The following COL27A1 variants were observed in gnomAD, a reference collection of about 807,000 sequenced individuals.
The protein encoded by COL27A1 is collagen type XXVII alpha 1 chain.
Under a neutral mutation model 251.3 loss-of-function variants are expected in COL27A1, and 106 were observed. The observed-to-expected ratio is 0.42, with a 90% confidence interval of 0.36 to 0.50. COL27A1 has a LOEUF of 0.50. Ranked by LOEUF, COL27A1 falls within the 20% of genes least tolerant of loss-of-function variation. COL27A1 has a pLI of 0.00. For missense variants in COL27A1, 2,325 were observed against 2,522.8 expected (o/e 0.92, Z 1.68); for synonymous variants, 1,000 against 986.3 (o/e 1.01, Z -0.26).
At chr9:114,253,652 T>C (rs903518505) in intron 27 of COL27A1, among the ~76,000 whole-genome samples, 3 of 152,146 alleles carry the variant, frequency 2.0e-5, no homozygotes, top group Non-Finnish European at 4.4e-5. Flanking sequence ...ACTGTATTCC[T>C]GGGGCAGATC....
Position 114,311,548 on chromosome 9 carries a change from G to GAAAAAAAAAAAAAAAAAACA in COL27A1, c.*870_*871insACAAAAAAAAAAAAAAAAAA. 1 of 96,222 alleles carries GAAAAAAAAAAAAAAAAAACA rather than the reference G, an allele frequency of 1.0e-5. No homozygotes were observed. The highest frequency in any genetic ancestry group is 2.4e-5 in the Non-Finnish European group (1 of 41,944). The allele number at this position is 96,222 out of a possible 1,614,324, so 6.0% of individuals were successfully genotyped here. On this transcript the variant is annotated 3_prime_UTR_variant, in exon 61 of 61. Transcript: ENST00000356083. ...AGGAGGAAAAAAGAAAAGAAAAAAG[G>GAAAAAAAAAAAAAAAAAACA]AAAAAAAAAAAAAAAAAGCAAAACA...
At chr9:114,237,614 A>G (rs557964339) in intron 18 of COL27A1, 48 bp from the exon 19 acceptor site, 1 of 1,495,494 alleles carries the variant, frequency 6.7e-7, no homozygotes, top group East Asian at 2.3e-5. Context: ...GGTTCATGGA[A>G]GGTGGGGTCC....
intron 16 of COL27A1, among the ~76,000 whole-genome samples, chr9:114,233,178 A>G (rs1434313567): frequency 6.6e-6 from 1 of 152,176 alleles, no homozygotes; most frequent in Non-Finnish European, 1.5e-5. Context: ...AGCTGGTGAG[A>G]CTCTGGGAGG....
chr9:114,203,322 A>C (rs1296878634), intron 7 of COL27A1, among the ~76,000 whole-genome samples: 1 of 152,210 alleles, frequency 6.6e-6, no homozygotes, highest in Admixed American at 6.5e-5. Flanking sequence ...AGCGCCCTTG[A>C]ATCCAATGCC....
chr9:114,208,170 G>A (rs1043977298), intron 10 of COL27A1, among the ~76,000 whole-genome samples: 6 of 151,738 alleles, frequency 4.0e-5, no homozygotes, highest in African/African-American at 1.5e-4. Context: ...GGGCGCGGTG[G>A]CTCGTGCCTG....
chr9:114,265,692 TG>T (rs1834692520), intron 32 of COL27A1, among the ~76,000 whole-genome samples: 1 of 151,972 alleles, frequency 6.6e-6, no homozygotes, highest in Non-Finnish European at 1.5e-5. Flanking sequence ...GCCAGGAAAA[TG>T]GGGGTGATTG....
chr9:114,204,331 G>A (rs1829790517), intron 7 of COL27A1, among the ~76,000 whole-genome samples: 1 of 152,192 alleles, frequency 6.6e-6, no homozygotes, highest in South Asian at 2.1e-4. Flanking sequence ...TCTGATGGAA[G>A]CTTGAAGTCT....
Position 114,243,729 on chromosome 9 carries a change from G to A in COL27A1, c.2934+169G>A, listed in dbSNP as rs191395452. On this transcript the variant is annotated intron_variant, in intron 23 of 60. Coordinates refer to ENST00000356083, the MANE Select transcript of COL27A1 (RefSeq NM_032888.4). ...GGAGAAAAAAATGGACACAACCTAA[G>A]TGTCCAACTGTGGGGGATTGTTCAA... 3.2e-4 allele frequency among the ~76,000 whole-genome samples: 49 copies of A among 152,110 alleles called. 1 individual carries two copies. Among genetic ancestry groups the A allele is most frequent in the Middle Eastern group, 6.3e-3 (2 of 316 alleles).
intron 10 of COL27A1, among the ~76,000 whole-genome samples, chr9:114,207,968 A>G (rs1425251387): frequency 6.6e-6 from 1 of 152,152 alleles, no homozygotes; most frequent in Non-Finnish European, 1.5e-5. Context: ...GTGAGCCTCC[A>G]TTGGTTGCTT....
In COL27A1 at chr9:114,298,594, C is replaced by T. The variant is rs1018796442; in HGVS notation, c.4585-1476C>T. Among the ~76,000 whole-genome samples the T allele has an allele frequency of 1.3e-5, 2 of 152,238 alleles. 1 individual carries two copies. The highest frequency in any genetic ancestry group is 3.9e-4 in the East Asian group (2 of 5,182). ...CTGAGACAATCACACAATCACATATCACGTACCAGAGAAGTAATTTGGACC... is the reference window on the plus strand; with the variant it reads ...CTGAGACAATCACACAATCACATATTACGTACCAGAGAAGTAATTTGGACC... On this transcript the variant is annotated intron_variant, in intron 49 of 60. Transcript: ENST00000356083.
upstream of COL27A1, chr9:114,155,473 G>A (rs886812591): frequency 6.6e-6 from 1 of 152,294 alleles, no homozygotes; most frequent in Non-Finnish European, 1.5e-5. This position sits in a 1 kb window ranked among gnomAD's most constrained non-coding sequence, Gnocchi z 5.5. Flanking sequence ...GAGCGGGGAG[G>A]AGGGAAGGTG....
rs551498354 is a variant in COL27A1 at position 114,295,064 on chromosome 9, A to G, written c.4584+2854A>G. 8.5e-5 allele frequency among the ~76,000 whole-genome samples: 13 copies of G among 152,372 alleles called. No homozygotes were observed. The East Asian group carries it at 2.3e-3, about 27-fold the overall frequency. ...ATATGCATAAATGAATTGCATTTCT[A>G]TACACTAATCAATGAGCACAAATGA... On this transcript the variant is annotated intron_variant, in intron 49 of 60. Transcript: ENST00000356083.
intron 19 of COL27A1, among the ~76,000 whole-genome samples, chr9:114,239,213 T>C (rs1832596370): frequency 6.6e-6 from 1 of 152,264 alleles, no homozygotes; most frequent in South Asian, 2.1e-4. Flanking sequence ...CAGTGGGTTA[T>C]ATGCAAGTGA....
chr9:114,307,527 G>C, intron 58 of COL27A1, 142 bp from the exon 59 acceptor site: 1 of 662,468 alleles, frequency 1.5e-6, no homozygotes, highest in East Asian at 2.6e-5. Context: ...TCGGTTGGAG[G>C]AATCCCTTTT....
rs1473765388 is a variant in COL27A1, at chr9:114,311,918, C to T, written c.*1223C>T. ...GCCTGTCCTTGCAAGATGCAATCAT[C>T]GTTCCTGCTTTTTCATTGTCATTAA... On this transcript the variant is annotated 3_prime_UTR_variant, in exon 61 of 61. Transcript: ENST00000356083. The T allele has an allele frequency of 6.6e-6, 1 of 152,228 alleles. No homozygotes were observed. The highest frequency in any genetic ancestry group is 1.5e-5 in the Non-Finnish European group (1 of 68,050). 9.4% of individuals were successfully genotyped at this position (152,228 alleles called of 1,614,324 possible).
chr9:114,240,374 G>A, intron 20 of COL27A1, 60 bp from the exon 21 acceptor site: 2 of 1,595,754 alleles, frequency 1.3e-6, no homozygotes, highest in Non-Finnish European at 1.7e-6. Context: ...TGCCTTGCCA[G>A]CCTGCGATGG....
chr9:114,272,469 T>C (rs1490742), intron 36 of COL27A1: 56,537 of 152,136 alleles, frequency 0.37, 12,048 homozygotes, highest in Admixed American at 0.49. Context: ...CCCTGGTCTT[T>C]ACATGAATCC....
intron 3 of COL27A1, among the ~76,000 whole-genome samples, chr9:114,170,601 A>T (rs1006470131): frequency 6.6e-6 from 1 of 152,222 alleles, no homozygotes; most frequent in African/African-American, 2.4e-5. Context: ...CATTAGGAAT[A>T]ATATTTATCC....
intron 35 of COL27A1, among the ~76,000 whole-genome samples, chr9:114,270,327 G>A (rs1236378722): frequency 2.6e-5 from 4 of 152,184 alleles, no homozygotes; most frequent in African/African-American, 9.7e-5. Flanking sequence ...TAGCATTGAC[G>A]TCTGGCTGAT....
Sources: gnomAD v4.1 joint callset for allele counts (sites outside exome capture counted in the v4.1 genomes callset) on GRCh38, gnomAD v4.1.1 for gene constraint, Gnocchi (gnomAD v3.1) non-coding constraint, MANE v1.5 for transcripts, NCBI Gene and HGNC (gene_info 2026-07-23, HGNC 2026-07-21) for gene names.